DACH2: variants seen among roughly 807,000 people sequenced by gnomAD.
DACH2 encodes dachshund family transcription factor 2.
Under a neutral mutation model 35.8 loss-of-function variants are expected in DACH2, and 17 were observed. That is an observed-to-expected ratio of 0.48 (90% CI 0.33 to 0.71). DACH2 has a LOEUF of 0.71. Ranked by LOEUF, DACH2 falls within the 30% of genes least tolerant of loss-of-function variation. DACH2 has a pLI of 0.02. For synonymous variants in DACH2, 195 were observed against 177.3 expected (o/e 1.10, Z -0.79); for missense variants, 469 against 472.7 (o/e 0.99, Z 0.07).
chrX:86,632,681 C>T (rs1480702228), intron 3 of DACH2, among the ~76,000 whole-genome samples: 1 of 110,935 alleles, frequency 9.0e-6, no homozygotes, highest in Non-Finnish European at 1.9e-5. Flanking sequence ...AAACACAAAA[C>T]TCAACTCACA....
chrX:86,767,564 C>T (rs1041315519), intron 7 of DACH2, among the ~76,000 whole-genome samples: 2 of 111,928 alleles, frequency 1.8e-5, no homozygotes, highest in Non-Finnish European at 3.8e-5. Context: ...TATAGAGTGA[C>T]ACGCTGATGT....
intron 5 of DACH2, among the ~76,000 whole-genome samples, chrX:86,705,044 A>C (rs780595424): frequency 3.1e-4 from 33 of 105,572 alleles, no homozygotes; most frequent in African/African-American, 9.0e-4. Context: ...ATATATATAT[A>C]TCTCACATAT....
chrX:86,491,209 G>A (rs1253724436), intron 2 of DACH2, among the ~76,000 whole-genome samples: 1 of 111,733 alleles, frequency 8.9e-6, no homozygotes, highest in Non-Finnish European at 1.9e-5. Context: ...CTTACTACCT[G>A]CTGTACACAA....
intron 3 of DACH2, among the ~76,000 whole-genome samples, chrX:86,643,921 A>G (rs2040381330): frequency 2.7e-5 from 3 of 111,710 alleles, no homozygotes; most frequent in African/African-American, 6.5e-5. Context: ...ACACCTCTGC[A>G]TGTTAAGAAC....
At chrX:86,804,325 T>A (rs1981754037) in intron 7 of DACH2, among the ~76,000 whole-genome samples, 1 of 111,429 alleles carries the variant, frequency 9.0e-6, no homozygotes, top group Non-Finnish European at 1.9e-5. Context: ...ACTGACTCAC[T>A]CACTATCATG....
intron 3 of DACH2, among the ~76,000 whole-genome samples, chrX:86,644,286 A>G (rs906557676): frequency 9.0e-6 from 1 of 111,618 alleles, no homozygotes; most frequent in African/African-American, 3.3e-5. Context: ...CAACAGCCAA[A>G]CTGAGAGCCA....
At chrX:86,584,377 G>T (rs2039541522) in intron 3 of DACH2, among the ~76,000 whole-genome samples, 1 of 110,020 alleles carries the variant, frequency 9.1e-6, no homozygotes, top group African/African-American at 3.3e-5. Flanking sequence ...CTTTTTCGTG[G>T]TTTGATATTT....
chrX:86,669,858 T>G (rs2040743639), intron 4 of DACH2, among the ~76,000 whole-genome samples: 1 of 111,263 alleles, frequency 9.0e-6, no homozygotes, highest in Non-Finnish European at 1.9e-5. Context: ...AGTTTGATGA[T>G]GGTGAACAGC....
intron 1 of DACH2, among the ~76,000 whole-genome samples, chrX:86,174,875 G>T (rs898416476): frequency 9.0e-6 from 1 of 110,540 alleles, no homozygotes; most frequent in Non-Finnish European, 1.9e-5. Context: ...TAGAGAAAGA[G>T]GTCTTGCTAT....
chrX:86,626,959 T>A (rs908733895), intron 3 of DACH2, among the ~76,000 whole-genome samples: 1 of 112,785 alleles, frequency 8.9e-6, no homozygotes. Context: ...ATTTGCCTCC[T>A]TCTTACTTAT....
chrX:86,196,732 AC>A (rs1182284445), intron 1 of DACH2, among the ~76,000 whole-genome samples: 1 of 108,339 alleles, frequency 9.2e-6, no homozygotes, highest in Non-Finnish European at 1.9e-5. Context: ...AAAGGAACAA[AC>A]AAAATCTCCT....
chrX:86,710,661 T>C (rs2041268592), intron 5 of DACH2, among the ~76,000 whole-genome samples: 1 of 111,788 alleles, frequency 8.9e-6, no homozygotes, highest in Non-Finnish European at 1.9e-5. Flanking sequence ...GAGTGAAGGC[T>C]AACGTGAATT....
rs1405578544 is a variant in DACH2 at position 86,637,579 on chromosome X, G to A, written c.641-13457G>A. 3.6e-5 allele frequency among the ~76,000 whole-genome samples: 4 copies of A among 111,711 alleles called. No homozygotes were observed. The South Asian group carries it at 1.1e-3, about 31-fold the overall frequency. ...ACAAAATCATGTTCTTTGTATGAAC[G>A]TGGATGGATTTGCAGACCATTATCC... On this transcript the variant is annotated intron_variant, in intron 3 of 11. Transcript: ENST00000373125.
chrX:86,280,644 G>T (rs2034006735), intron 1 of DACH2, among the ~76,000 whole-genome samples: 1 of 112,132 alleles, frequency 8.9e-6, no homozygotes, highest in Non-Finnish European at 1.9e-5. Flanking sequence ...CCAATTAAAA[G>T]ACACAGACTG....
At chrX:86,599,703 C>T (rs2148357457) in intron 3 of DACH2, among the ~76,000 whole-genome samples, 1 of 109,570 alleles carries the variant, frequency 9.1e-6, no homozygotes, top group South Asian at 3.9e-4. Flanking sequence ...GCCATGTTAC[C>T]CCGGATGGTC....
intron 1 of DACH2, among the ~76,000 whole-genome samples, chrX:86,348,836 T>C (rs1043113116): frequency 4.4e-5 from 5 of 112,461 alleles, no homozygotes; most frequent in African/African-American, 1.6e-4. Context: ...GATGGGGGTG[T>C]GGCTCTCTTC....
At chrX:86,477,803 C>T (rs764842643) in intron 2 of DACH2, among the ~76,000 whole-genome samples, 1 of 110,690 alleles carries the variant, frequency 9.0e-6, no homozygotes, top group African/African-American at 3.3e-5. Context: ...TGATTAATTT[C>T]TTTCTCTTTA....
intron 1 of DACH2, among the ~76,000 whole-genome samples, chrX:86,322,872 G>A (rs948129956): frequency 4.5e-5 from 5 of 112,154 alleles, no homozygotes; most frequent in African/African-American, 1.6e-4. Flanking sequence ...AAACATAAGG[G>A]TCAAATGGTG....
At chrX:86,647,222 C>T (rs1410339475) in intron 3 of DACH2, among the ~76,000 whole-genome samples, 1 of 110,140 alleles carries the variant, frequency 9.1e-6, no homozygotes, top group African/African-American at 3.3e-5. Flanking sequence ...TCTGCACTCC[C>T]GTGTTCATTG....
Sources: allele counts gnomAD v4.1 joint callset (sites outside exome capture counted in the v4.1 genomes callset), GRCh38; gene constraint gnomAD v4.1.1; transcripts MANE v1.5; gene names NCBI Gene and HGNC (gene_info 2026-07-23, HGNC 2026-07-21).